Variants in CHDH observed in about 807,000 individuals in gnomAD.
The protein encoded by CHDH is choline dehydrogenase, mitochondrial.
CHDH carries 43 observed loss-of-function variants against 56.9 expected under a neutral mutation model. The observed-to-expected ratio is 0.76, with a 90% confidence interval of 0.59 to 0.97. The LOEUF (loss-of-function observed/expected upper bound fraction) is 0.97. Ranked by LOEUF, CHDH falls within the 50% of genes least tolerant of loss-of-function variation. The probability of loss-of-function intolerance (pLI) is 0.00; values close to 1 mark genes in which losing one functional copy is unlikely to be tolerated. For synonymous variants in CHDH, 364 were observed against 348.5 expected (o/e 1.04, Z -0.50); for missense variants, 816 against 821.1 (o/e 0.99, Z 0.08).
intron 2 of CHDH, among the ~76,000 whole-genome samples, chr3:53,834,464 G>A (rs185297892): frequency 6.6e-6 from 1 of 152,252 alleles, no homozygotes. Context: ...AAAAAAAGGA[G>A]CCAAAGACTG....
In CHDH at chr3:53,829,449, G is replaced by A. The variant is rs374426947; in HGVS notation, c.-59-5382C>T. ...TGTAATAAATGTACCACTTTAGTGC[G>A]AGGATGTTGTTAATGGGAGGATTAT... On this transcript the variant is annotated intron_variant, in intron 2 of 8. Transcript: ENST00000315251. Among the ~76,000 whole-genome samples the A allele has an allele frequency of 1.2e-3, 179 of 152,312 alleles. 4 individuals are homozygous for A. The highest frequency in any genetic ancestry group is 3.7e-3 in the Admixed American group (56 of 15,302).
chr3:53,823,693 AC>A lies in CHDH; in HGVS notation c.315del (p.Trp105CysfsTer113). 6.5e-7 allele frequency: 1 copy of A among 1,549,212 alleles called. No individual in the cohort carries two copies. Among genetic ancestry groups the A allele is most frequent in the Non-Finnish European group, 8.7e-7 (1 of 1,147,450 alleles). On this transcript the variant is annotated frameshift_variant, in exon 3 of 9. Transcript: ENST00000315251. LOFTEE classifies it high-confidence loss of function. ...VANLCDDRYN[W>X]CYHTEVQRGL... ...CCCCGCTGCACCTCTGTGTGGTAGCACCAGTTGTACCTGTCGTCGCACAGGT... is the reference window on the plus strand; with the variant it reads ...CCCCGCTGCACCTCTGTGTGGTAGCACAGTTGTACCTGTCGTCGCACAGGT...
At position 53,821,711 on chromosome 3, in the gene CHDH, G is replaced by C. The variant is rs35064726; in HGVS notation, c.921C>G (p.Leu307=). 82,111 of 1,613,928 alleles carry C rather than the reference G, an allele frequency of 0.051. 2,427 individuals carry two copies. Among genetic ancestry groups the C allele is most frequent in the Middle Eastern group, 0.067 (407 of 6,060 alleles). Residue 307 remains leucine (L), a synonymous_variant, in exon 5 of 9, where the codon CTC becomes CTG. Coordinates refer to ENST00000315251, the MANE Select transcript of CHDH (RefSeq NM_018397.5). Reference sequence around the variant, plus strand: ...GGTCATCAGCATTCCCGATGCCAGAGAGCATGAGCAGCTGTGGAGAGTTGA... The same window carrying C: ...GGTCATCAGCATTCCCGATGCCAGACAGCATGAGCAGCTGTGGAGAGTTGA... ...GAINSPQLLM[L]SGIGNADDLK...
chr3:53,824,654 G>A (rs749259977), intron 2 of CHDH, among the ~76,000 whole-genome samples: 4 of 152,198 alleles, frequency 2.6e-5, no homozygotes, highest in Non-Finnish European at 5.9e-5. Context: ...ATTTGAAGCA[G>A]GTTCAAGATC....
At chr3:53,841,505 C>T (rs1251582806) in intron 1 of CHDH, among the ~76,000 whole-genome samples, 4 of 152,174 alleles carry the variant, frequency 2.6e-5, no homozygotes, top group African/African-American at 9.7e-5. Context: ...CTGCAAGGTC[C>T]AGGTTGTGTG....
rs2095611167 is a variant in CHDH, at chr3:53,813,946, CCTCA to C, written c.*3827_*3830del. On this transcript the variant is annotated 3_prime_UTR_variant, in exon 9 of 9. Transcript: ENST00000315251. The stretch of plus-strand genomic sequence containing the variant: ...TTTCACCGTCAACTGGCAGCGAGAA[CCTCA>C]CTAAGAACCATCTCTGCTCAGCCTA... The C allele has an allele frequency of 6.6e-6, 1 of 152,236 alleles. No individual in the cohort carries two copies. Among genetic ancestry groups the C allele is most frequent in the Non-Finnish European group, 1.5e-5 (1 of 68,046 alleles). The allele number at this position is 152,236 out of a possible 1,614,324, so 9.4% of individuals were successfully genotyped here. A position where few individuals can be genotyped will look rare whatever the true frequency, so the allele number is the denominator to read the frequency against.
intron 8 of CHDH, 30 bp from the exon 9 acceptor site, chr3:53,818,225 C>G: frequency 6.4e-7 from 1 of 1,553,536 alleles, no homozygotes; most frequent in Non-Finnish European, 8.7e-7. Flanking sequence ...GGTGAGGACC[C>G]CTCCTTTTGC....
At chr3:53,844,311 A>AAG (rs1698782313) in intron 1 of CHDH, among the ~76,000 whole-genome samples, 1 of 152,090 alleles carries the variant, frequency 6.6e-6, no homozygotes, top group African/African-American at 2.4e-5. Flanking sequence ...TGGGGGGAGA[A>AAG]AGAACCTCAG....
In CHDH at chr3:53,819,380, C is replaced by G; in HGVS notation, c.1263+152G>C. ...GGCATGCACCACGCAGACTGACACGCTGGGCAGCTGGAAGGCAGGGGACAG... is the reference window on the plus strand; with the variant it reads ...GGCATGCACCACGCAGACTGACACGGTGGGCAGCTGGAAGGCAGGGGACAG... On this transcript the variant is annotated intron_variant, in intron 7 of 8. Transcript: ENST00000315251. The surrounding 1 kb of genome is among the most constrained non-coding windows in gnomAD (Gnocchi z 5.4). 9.6e-7 allele frequency: 1 copy of G among 1,038,376 alleles called. No individual in the cohort carries two copies. Among genetic ancestry groups the G allele is most frequent in the Non-Finnish European group, 1.4e-6 (1 of 707,998 alleles). 64.3% of individuals were successfully genotyped at this position (1,038,376 alleles called of 1,614,324 possible). A position where few individuals can be genotyped will look rare whatever the true frequency, so the allele number is the denominator to read the frequency against.
At chr3:53,831,673 TTAAAAC>T (rs1470146682) in intron 2 of CHDH, among the ~76,000 whole-genome samples, 4 of 152,188 alleles carry the variant, frequency 2.6e-5, no homozygotes, top group Non-Finnish European at 5.9e-5. Flanking sequence ...TAGAATGTGT[TTAAAAC>T]TATAACTCAA....
Position 53,817,573 on chromosome 3 carries a change from A to C in CHDH, c.*204T>G. 1.8e-6 allele frequency: 1 copy of C among 549,916 alleles called. No individual in the cohort carries two copies. Among genetic ancestry groups the C allele is most frequent in the Non-Finnish European group, 3.2e-6 (1 of 316,292 alleles). The allele number at this position is 549,916 out of a possible 1,614,324, so 34.1% of individuals were successfully genotyped here. A position where few individuals can be genotyped will look rare whatever the true frequency, so the allele number is the denominator to read the frequency against. ...GGCCTTCCCCAAATGGCCCACAGGG[A>C]AAGGCTGGGGAAAAGGAGCTGGATT... is the stretch of plus-strand genomic sequence containing the variant. On this transcript the variant is annotated 3_prime_UTR_variant, in exon 9 of 9. Coordinates refer to ENST00000315251, the MANE Select transcript of CHDH (RefSeq NM_018397.5).
At chr3:53,839,595 T>C (rs765552186) in intron 2 of CHDH, among the ~76,000 whole-genome samples, 3 of 152,240 alleles carry the variant, frequency 2.0e-5, no homozygotes, top group East Asian at 1.9e-4. Context: ...TCAGGAACCT[T>C]TGTACATTGT....
chr3:53,839,736 A>G (rs1416740107), intron 2 of CHDH, among the ~76,000 whole-genome samples: 3 of 152,250 alleles, frequency 2.0e-5, no homozygotes, highest in African/African-American at 4.8e-5. Context: ...AAGGAAGTCA[A>G]TATATCAAAG....
Position 53,815,774 on chromosome 3 carries a change from A to AT in CHDH, c.*2002dup, listed in dbSNP as rs1265115224. ...GCACAGTCATGGTTGGTCCAGGACTATCCCCTGCCCCTGAATCCACACACG... is the reference window on the plus strand; with the variant it reads ...GCACAGTCATGGTTGGTCCAGGACTATTCCCCTGCCCCTGAATCCACACACG... On this transcript the variant is annotated 3_prime_UTR_variant, in exon 9 of 9. Transcript: ENST00000315251. The AT allele has an allele frequency of 1.3e-5, 2 of 152,218 alleles. No homozygotes were observed. Among genetic ancestry groups the AT allele is most frequent in the Non-Finnish European group, 2.9e-5 (2 of 68,074 alleles). 9.4% of individuals were successfully genotyped at this position (152,218 alleles called of 1,614,324 possible). A position where few individuals can be genotyped will look rare whatever the true frequency, so the allele number is the denominator to read the frequency against.
Position 53,812,669 on chromosome 3 carries a change from G to A in CHDH, c.*5108C>T, listed in dbSNP as rs951153495. The A allele has an allele frequency of 1.3e-5, 2 of 152,244 alleles. No homozygotes were observed. Among genetic ancestry groups the A allele is most frequent in the Non-Finnish European group, 2.9e-5 (2 of 68,060 alleles). 9.4% of individuals were successfully genotyped at this position (152,244 alleles called of 1,614,324 possible). On this transcript the variant is annotated 3_prime_UTR_variant, in exon 9 of 9. Transcript: ENST00000315251. ...GGTATCCATAGTTACGGTTTTCTCT[G>A]TGGCCCACCCAGGGTGTTTTTTGCA...
At chr3:53,830,509 A>G (rs1163003061) in intron 2 of CHDH, among the ~76,000 whole-genome samples, 1 of 151,962 alleles carries the variant, frequency 6.6e-6, no homozygotes, top group African/African-American at 2.4e-5. Context: ...GAAGCAAACA[A>G]TGACAGATTT....
rs557624665 is a variant in CHDH at position 53,815,009 on chromosome 3, C to T, written c.*2768G>A. ...GAGATGATGCCTGCAACCTTCGCTA[C>T]AAGCAGAAAGACTAGATGTTTGGGT... On this transcript the variant is annotated 3_prime_UTR_variant, in exon 9 of 9. Coordinates refer to ENST00000315251, the MANE Select transcript of CHDH (RefSeq NM_018397.5). 5 of 152,274 alleles carry T rather than the reference C, an allele frequency of 3.3e-5. No homozygotes were observed. Among genetic ancestry groups the T allele is most frequent in the African/African-American group, 7.2e-5 (3 of 41,548 alleles). 9.4% of individuals were successfully genotyped at this position (152,274 alleles called of 1,614,324 possible). A position where few individuals can be genotyped will look rare whatever the true frequency, so the allele number is the denominator to read the frequency against.
At chr3:53,841,347 G>A (rs913713155) in intron 1 of CHDH, among the ~76,000 whole-genome samples, 1 of 152,152 alleles carries the variant, frequency 6.6e-6, no homozygotes, top group Non-Finnish European at 1.5e-5. Context: ...GCCGACTCCA[G>A]TACTTCCTAT....
chr3:53,833,135 T>G (rs1050008435), intron 2 of CHDH, among the ~76,000 whole-genome samples: 2 of 152,180 alleles, frequency 1.3e-5, no homozygotes, highest in Admixed American at 1.3e-4. Flanking sequence ...TTACAGAAGG[T>G]CTGCAGTAAA....
Sources: allele counts gnomAD v4.1 joint callset (sites outside exome capture counted in the v4.1 genomes callset), GRCh38; gene constraint gnomAD v4.1.1; non-coding constraint Gnocchi (gnomAD v3.1); transcripts MANE v1.5; gene names NCBI Gene and HGNC (gene_info 2026-07-23, HGNC 2026-07-21).